OTOF: variants seen among roughly 807,000 people sequenced by gnomAD.
OTOF encodes fer-1-like family member 2.
In OTOF, 218 loss-of-function variants were observed where a neutral mutation model predicts 236.8. The ratio of observed to expected loss-of-function variants is 0.92; its 90% CI spans 0.82 to 1.03. The LOEUF is 1.03. OTOF is among the 50% of genes least tolerant of loss of function. The probability of loss-of-function intolerance (pLI) is 0.00; values close to 1 mark genes in which losing one functional copy is unlikely to be tolerated. For missense variants in OTOF, 2,590 were observed against 2,694.4 expected (o/e 0.96, Z 0.86); for synonymous variants, 1,041 against 1,072.5 (o/e 0.97, Z 0.57).
chr2:26,467,253 T>C lies in OTOF; in HGVS notation c.4228-20A>G. The C allele has an allele frequency of 6.2e-7, 1 of 1,614,066 alleles. No homozygotes were observed. On this transcript the variant is annotated intron_variant, in intron 34 of 46. Transcript: ENST00000272371. ...GTATACCTGAGACAGACCAGGCTGT[T>C]AGGGGGCGGCTGCCTGGTCTCTGGC... is the stretch of plus-strand genomic sequence containing the variant.
At chr2:26,518,504 T>A (rs891000226) in intron 4 of OTOF, among the ~76,000 whole-genome samples, 1 of 152,144 alleles carries the variant, frequency 6.6e-6, no homozygotes, top group Non-Finnish European at 1.5e-5. Context: ...CCTGGTAGGG[T>A]TGCTTCCTTC....
At chr2:26,525,164 G>C (rs940847779) in intron 3 of OTOF, among the ~76,000 whole-genome samples, 3 of 152,206 alleles carry the variant, frequency 2.0e-5, no homozygotes, top group African/African-American at 7.2e-5. Flanking sequence ...ATGGTGTGAT[G>C]CCATGAGAGG....
intron 1 of OTOF, among the ~76,000 whole-genome samples, chr2:26,557,306 C>T (rs990728348): frequency 3.9e-5 from 6 of 152,196 alleles, no homozygotes; most frequent in African/African-American, 1.4e-4. Flanking sequence ...CTTCTCACCA[C>T]CTCGTCCCCA....
At chr2:26,463,415 G>T in intron 41 of OTOF, 68 bp downstream of exon 41, 3 of 1,317,068 alleles carry the variant, frequency 2.3e-6, no homozygotes, top group Non-Finnish European at 3.2e-6. Context: ...CGCAGGAAGG[G>T]TTGGGCCGTG....
chr2:26,492,694 C>T (rs899009190), intron 9 of OTOF, among the ~76,000 whole-genome samples: 2 of 152,064 alleles, frequency 1.3e-5, no homozygotes, highest in South Asian at 2.1e-4. Context: ...GAACAAATAG[C>T]GAGGCAGGAG....
At chr2:26,489,359 T>C (rs139430330) in intron 10 of OTOF, 64 bp from the exon 11 acceptor site, 3 of 1,286,644 alleles carry the variant, frequency 2.3e-6, no homozygotes, top group Admixed American at 3.7e-5. Flanking sequence ...CATGGGGCAG[T>C]GGTGGGACCC....
intron 5 of OTOF, chr2:26,510,813 C>A (rs1666367173): frequency 8.9e-7 from 1 of 1,118,910 alleles, no homozygotes; most frequent in Non-Finnish European, 1.2e-6. Context: ...ACCAGAGACA[C>A]TGGCCTCAGC....
Position 26,473,098 on chromosome 2 carries a change from G to A in OTOF, c.3733+34C>T, listed in dbSNP as rs748774321. On this transcript the variant is annotated intron_variant, in intron 29 of 46. Coordinates refer to ENST00000272371, the MANE Select transcript of OTOF (RefSeq NM_194248.3). The surrounding 1 kb of genome is among the most constrained non-coding windows in gnomAD (Gnocchi z 7.2). ...GGAGCCCTTCCCTGGGGGGCGTGGAGCCAGGCTTGGTGGCAGGGTGGATGT... is the reference window on the plus strand; with the variant it reads ...GGAGCCCTTCCCTGGGGGGCGTGGAACCAGGCTTGGTGGCAGGGTGGATGT... 3.1e-6 allele frequency: 5 copies of A among 1,601,404 alleles called. No individual in the cohort carries two copies. The East Asian group carries it at 6.7e-5, about 21-fold the overall frequency.
intron 8 of OTOF, among the ~76,000 whole-genome samples, chr2:26,497,867 G>A (rs1182065231): frequency 6.7e-6 from 1 of 150,120 alleles, no homozygotes. Context: ...AGAGCAAACG[G>A]ACACTAGAAG....
chr2:26,555,695 T>C (rs116116317), intron 1 of OTOF, among the ~76,000 whole-genome samples: 43 of 152,168 alleles, frequency 2.8e-4, no homozygotes, highest in African/African-American at 1.0e-3. Flanking sequence ...GCTCTCTGCC[T>C]TCTCCTGGCA....
intron 1 of OTOF, among the ~76,000 whole-genome samples, chr2:26,553,860 G>A (rs1358578487): frequency 6.6e-6 from 1 of 152,116 alleles, no homozygotes; most frequent in Non-Finnish European, 1.5e-5. Context: ...CCTATGGGCT[G>A]GAGCTGAACT....
intron 5 of OTOF, among the ~76,000 whole-genome samples, chr2:26,507,497 T>TA (rs1446270961): frequency 6.6e-6 from 1 of 152,274 alleles, no homozygotes; most frequent in African/African-American, 2.4e-5. Flanking sequence ...CTGAAAGACT[T>TA]AGATTTCAAA....
chr2:26,460,110 AAC>A lies in OTOF; in HGVS notation c.5907_5908del (p.Leu1970AlafsTer214), dbSNP rs1664389471. 6.3e-7 allele frequency: 1 copy of A among 1,589,744 alleles called. No individual in the cohort carries two copies. The highest frequency in any genetic ancestry group is 8.6e-7 in the Non-Finnish European group (1 of 1,167,932). On this transcript the variant is annotated frameshift_variant, in exon 46 of 47. Coordinates refer to ENST00000272371, the MANE Select transcript of OTOF (RefSeq NM_194248.3). LOFTEE classifies it high-confidence loss of function. This position sits in a 1 kb window ranked among gnomAD's most constrained non-coding sequence, Gnocchi z 5.3. ...GAGGAGGAGCAGCAGCAGGAGCAGC[AAC>A]AGTTTGAGGAGCAGCCAGCGATACG...
At chr2:26,517,948 C>T (rs1355325127) in intron 4 of OTOF, among the ~76,000 whole-genome samples, 5 of 152,180 alleles carry the variant, frequency 3.3e-5, no homozygotes, top group Non-Finnish European at 4.4e-5. Context: ...CCTCCCAGCC[C>T]GCCTTCCCAT....
At chr2:26,500,709 A>G (rs1346835353) in intron 8 of OTOF, among the ~76,000 whole-genome samples, 1 of 152,214 alleles carries the variant, frequency 6.6e-6, no homozygotes, top group Non-Finnish European at 1.5e-5. Flanking sequence ...AGATGAAGGG[A>G]GATGAAGTAT....
chr2:26,475,305 A>C, intron 25 of OTOF, 54 bp downstream of exon 25: 1 of 1,601,678 alleles, frequency 6.2e-7, no homozygotes, highest in Non-Finnish European at 8.5e-7. Flanking sequence ...AGTGCAGGGA[A>C]CAAGGGCCAG....
chr2:26,473,534 C>T lies in OTOF; in HGVS notation c.3442G>A (p.Val1148Met), dbSNP rs774982859. The T allele has an allele frequency of 1.2e-6, 2 of 1,611,452 alleles. No homozygotes were observed. The highest frequency in any genetic ancestry group is 1.7e-5 in the Admixed American group (1 of 59,992). ...LFWGLRDLKR[V>M]NLAQVDRPRV... ...GGCCGGTCCACCTGGGCCAGGTTCA[C>T]CCGCTTTAGGTCCCGTAGGCCCCAG... Residue 1148 changes from valine (V) to methionine (M), a missense_variant, in exon 28 of 47, where the codon GTG becomes ATG. This residue lies in a region of OTOF where 1,211 missense variants were observed against 1,352.8 expected (regional missense o/e 0.90). Transcript: ENST00000272371. This position sits in a 1 kb window ranked among gnomAD's most constrained non-coding sequence, Gnocchi z 7.2.
chr2:26,536,632 C>A (rs1667076943), intron 2 of OTOF, among the ~76,000 whole-genome samples: 1 of 152,164 alleles, frequency 6.6e-6, no homozygotes, highest in Non-Finnish European at 1.5e-5. Flanking sequence ...AGCCTGGTGG[C>A]TGCTCAGCCG....
At chr2:26,497,470 G>C (rs1666016947) in intron 8 of OTOF, among the ~76,000 whole-genome samples, 2 of 152,132 alleles carry the variant, frequency 1.3e-5, no homozygotes, top group South Asian at 4.1e-4. Context: ...GTTGTGCTTT[G>C]ATGCAACTTC....
Sources: allele counts gnomAD v4.1 joint callset (sites outside exome capture counted in the v4.1 genomes callset), GRCh38; gene constraint gnomAD v4.1.1; regional missense constraint gnomAD v4.1.1; non-coding constraint Gnocchi (gnomAD v3.1); transcripts MANE v1.5; gene names NCBI Gene and HGNC (gene_info 2026-07-23, HGNC 2026-07-21).